Variants in GBP6 observed in about 807,000 individuals in gnomAD.
GBP6 encodes guanylate-binding protein 6.
In GBP6, 54 loss-of-function variants were observed where a neutral mutation model predicts 61.5. The ratio of observed to expected loss-of-function variants is 0.88; its 90% CI spans 0.71 to 1.10. The LOEUF (loss-of-function observed/expected upper bound fraction) is 1.10, where lower values mean the gene tolerates loss of function less well. GBP6 is among the 50% of genes least tolerant of loss of function. The pLI, the probability that GBP6 is intolerant of heterozygous loss-of-function variation, is 0.00. For synonymous variants in GBP6, 255 were observed against 273.7 expected (o/e 0.93, Z 0.67); for missense variants, 748 against 752.8 (o/e 0.99, Z 0.07).
At chr1:89,377,752 G>A (rs1040197843) in intron 3 of GBP6, among the ~76,000 whole-genome samples, 20 of 152,128 alleles carry the variant, frequency 1.3e-4, no homozygotes, top group African/African-American at 4.8e-4. Flanking sequence ...ACTATGGTAT[G>A]GTTTTTATAT....
In GBP6 at chr1:89,384,257, C is replaced by T. The variant is rs1184440581; in HGVS notation, c.1633C>T (p.Gln545Ter). 15 of 1,613,382 alleles carry T rather than the reference C, an allele frequency of 9.3e-6. No homozygotes were observed. The highest frequency in any genetic ancestry group is 1.3e-5 in the Non-Finnish European group (15 of 1,179,676). ...QMEREHLLRE[Q>*]IMMLEHTQKV... ...GGAGAGAGAACACCTACTGAGAGAG[C>T]AGATTATGATGTTGGAGCACACGCA... Residue 545 changes from glutamine (Q) to a stop codon, truncating the protein, a stop_gained, in exon 10 of 11, where the codon CAG (glutamine) becomes TAG (stop). Coordinates refer to ENST00000370456, the MANE Select transcript of GBP6 (RefSeq NM_198460.3). LOFTEE classifies it low-confidence loss of function (END_TRUNC).
Position 89,381,885 on chromosome 1 carries a change from A to T in GBP6, c.1063A>T (p.Met355Leu). ...AGACACGCTCCAGGAGCTGCTGGAC[A>T]TGCATGCGGCCTGTGAGAGGGAAGC... Reference protein sequence around the residue: ...PTDTLQELLDMHAACEREAIA... With the variant: ...PTDTLQELLDLHAACEREAIA... The change falls in exon 7 of 11, where the codon ATG (methionine) becomes TTG (leucine). Residue 355 changes from methionine (M) to leucine (L), a missense_variant. Transcript: ENST00000370456. The T allele has an allele frequency of 6.2e-7, 1 of 1,613,996 alleles. No homozygotes were observed. The highest frequency in any genetic ancestry group is 8.5e-7 in the Non-Finnish European group (1 of 1,179,958).
intron 3 of GBP6, among the ~76,000 whole-genome samples, chr1:89,373,686 G>A (rs1652713382): frequency 2.0e-5 from 3 of 151,986 alleles, no homozygotes; most frequent in Admixed American, 2.0e-4. Flanking sequence ...GAGCAGGGAG[G>A]GATAGCATTA....
chr1:89,384,856 A>G (rs1437113686), intron 10 of GBP6, among the ~76,000 whole-genome samples: 2 of 152,184 alleles, frequency 1.3e-5, no homozygotes, highest in East Asian at 3.9e-4. Context: ...AAGTTCTCTC[A>G]TAAGGGATTT....
At chr1:89,378,293 T>C in intron 4 of GBP6, 81 bp downstream of exon 4, 5 of 1,527,448 alleles carry the variant, frequency 3.3e-6, no homozygotes. Context: ...CCTCCTTCCC[T>C]TTGATGTAAT....
In GBP6 at chr1:89,379,028, T is replaced by G. The variant is rs969968694; in HGVS notation, c.625+415T>G. Among the ~76,000 whole-genome samples, 33 of 152,322 alleles carry G rather than the reference T, an allele frequency of 2.2e-4. 1 individual carries two copies. In the East Asian group the frequency reaches 3.9e-3, roughly 18 times the overall value. ...AATGTGTGTGTTAGTCCATTTTGCA[T>G]TGCTATAAAGGAATGCCTGAGCCTG... is the stretch of plus-strand genomic sequence containing the variant. On this transcript the variant is annotated intron_variant, in intron 5 of 10. Transcript: ENST00000370456.
At position 89,380,549 on chromosome 1, in the gene GBP6, A is replaced by G. The variant is rs148272370; in HGVS notation, c.789A>G (p.Glu263=). Residue 263 remains glutamate, a synonymous_variant, in exon 6 of 11, where the codon GAA becomes GAG. Coordinates refer to ENST00000370456, the MANE Select transcript of GBP6 (RefSeq NM_198460.3). ...SEKQLDPKFQ[E]QTNIFCSYIF... ...AGCAACTGGATCCCAAATTCCAGGAACAAACAAACATTTTCTGTTCTTACA... is the reference window on the plus strand; with the variant it reads ...AGCAACTGGATCCCAAATTCCAGGAGCAAACAAACATTTTCTGTTCTTACA... 16 of 1,614,044 alleles carry G rather than the reference A, an allele frequency of 9.9e-6. No individual in the cohort carries two copies. Among genetic ancestry groups the G allele is most frequent in the African/African-American group, 8.0e-5 (6 of 74,942 alleles).
chr1:89,366,602 G>T (rs998928518), intron 1 of GBP6, among the ~76,000 whole-genome samples: 1 of 152,206 alleles, frequency 6.6e-6, no homozygotes, highest in African/African-American at 2.4e-5. Flanking sequence ...TTTGAGGTAG[G>T]TTATTTTGAC....
At chr1:89,367,345 A>T (rs537727835) in intron 1 of GBP6, among the ~76,000 whole-genome samples, 49 of 152,064 alleles carry the variant, frequency 3.2e-4, no homozygotes, top group African/African-American at 8.4e-4. Context: ...TGGGCTTTTT[A>T]AAAAAAATAA....
At position 89,381,971 on chromosome 1, in the gene GBP6, C is replaced by A. The variant is rs1199187476; in HGVS notation, c.1149C>A (p.Phe383Leu). The A allele has an allele frequency of 6.2e-7, 1 of 1,605,012 alleles. No homozygotes were observed. The highest frequency in any genetic ancestry group is 1.1e-5 in the South Asian group (1 of 89,940). Residue 383 changes from phenylalanine to leucine, a missense_variant, in exon 7 of 11, where the codon TTC becomes TTA. Phe to Leu is a conservative substitution (Grantham distance 22, BLOSUM62 0). Transcript: ENST00000370456. Reference sequence around the variant, plus strand: ...AAAATCAGGAATTCCAGAAGAAGTTCATGGTAATTTGCCTTAGTCATTACT... The same window carrying A: ...AAAATCAGGAATTCCAGAAGAAGTTAATGGTAATTTGCCTTAGTCATTACT... ...KDENQEFQKK[F>L]METTMNKKGD...
intron 3 of GBP6, among the ~76,000 whole-genome samples, chr1:89,375,260 GA>G (rs760021778): frequency 5.9e-5 from 9 of 151,856 alleles, no homozygotes; most frequent in African/African-American, 1.5e-4. Context: ...ACAATCATAT[GA>G]AAAAAAAGCT....
rs773337076 is a variant in GBP6, at chr1:89,387,912, A to G, written c.*2443A>G. ...TGTGCCATTGCACTCCAGCCCGGGC[A>G]ACAGAGCCTGGGCGACAGAGTGAGG... is the stretch of plus-strand genomic sequence containing the variant. On this transcript the variant is annotated 3_prime_UTR_variant, in exon 11 of 11. Coordinates refer to ENST00000370456, the MANE Select transcript of GBP6 (RefSeq NM_198460.3). Among the ~76,000 whole-genome samples, 10 of 152,214 alleles carry G rather than the reference A, an allele frequency of 6.6e-5. No homozygotes were observed. The highest frequency in any genetic ancestry group is 1.0e-4 in the Non-Finnish European group (7 of 68,034).
chr1:89,369,695 A>C (rs1036896518), intron 3 of GBP6, 22 bp downstream of exon 3: 3 of 1,603,562 alleles, frequency 1.9e-6, no homozygotes, highest in African/African-American at 2.7e-5. Context: ...AGTCATAGAC[A>C]GGTTCCTTTT....
intron 3 of GBP6, among the ~76,000 whole-genome samples, chr1:89,371,404 A>G (rs1652636979): frequency 1.3e-5 from 2 of 152,218 alleles, no homozygotes; most frequent in Non-Finnish European, 2.9e-5. Context: ...CATCAATGCA[A>G]AAATCCTCAA....
At chr1:89,382,946 G>A in intron 8 of GBP6, 70 bp downstream of exon 8, 1 of 968,146 alleles carries the variant, frequency 1.0e-6, no homozygotes, top group South Asian at 1.4e-5. Flanking sequence ...CCAGCCGTGG[G>A]TAATAAGAGA....
At chr1:89,383,184 T>C (rs1253215430) in intron 8 of GBP6, among the ~76,000 whole-genome samples, 4 of 150,210 alleles carry the variant, frequency 2.7e-5, no homozygotes, top group African/African-American at 9.9e-5. Context: ...TCCCCAGACA[T>C]TTTAATTTCA....
intron 3 of GBP6, 116 bp downstream of exon 3, chr1:89,369,789 T>C: frequency 8.0e-7 from 1 of 1,251,486 alleles, no homozygotes; most frequent in Non-Finnish European, 1.1e-6. Context: ...AAGGCAAACT[T>C]TGACCTGTTT....
intron 5 of GBP6, 119 bp from the exon 6 acceptor site, chr1:89,380,266 TA>T: frequency 1.3e-6 from 1 of 769,646 alleles, no homozygotes. Context: ...ATTTTTATGT[TA>T]AAGGAGGTCT....
chr1:89,379,277 G>A (rs1652893647), intron 5 of GBP6, among the ~76,000 whole-genome samples: 2 of 152,016 alleles, frequency 1.3e-5, no homozygotes, highest in Admixed American at 6.6e-5. Flanking sequence ...CACAAGGATG[G>A]TAACAAGGTA....
Sources: allele counts gnomAD v4.1 joint callset (sites outside exome capture counted in the v4.1 genomes callset), GRCh38; gene constraint gnomAD v4.1.1; transcripts MANE v1.5; gene names NCBI Gene and HGNC (gene_info 2026-07-23, HGNC 2026-07-21).